The following MYO3B variants were observed in gnomAD, a reference collection of about 807,000 sequenced individuals.
MYO3B encodes the protein myosin IIIB, also known as myosin-IIIb.
A neutral mutation model predicts 174.6 loss-of-function variants in MYO3B; 156 were observed. The ratio of observed to expected loss-of-function variants is 0.89; its 90% CI spans 0.78 to 1.02. The LOEUF (loss-of-function observed/expected upper bound fraction) is 1.02. MYO3B is among the 50% of genes least tolerant of loss of function. The pLI is 0.00. For synonymous variants in MYO3B, 563 were observed against 569.1 expected (o/e 0.99, Z 0.15); for missense variants, 1,632 against 1,639.4 (o/e 1.00, Z 0.08).
intron 7 of MYO3B, among the ~76,000 whole-genome samples, chr2:170,313,482 C>T (rs185649563): frequency 2.6e-5 from 4 of 152,146 alleles, no homozygotes; most frequent in Non-Finnish European, 4.4e-5. Context: ...TCAGGGCCAG[C>T]CTTGGTCTAT....
At chr2:170,607,783 A>T (rs547220594) in intron 32 of MYO3B, among the ~76,000 whole-genome samples, 1 of 152,220 alleles carries the variant, frequency 6.6e-6, no homozygotes, top group Non-Finnish European at 1.5e-5. Context: ...TGGTAAAAAT[A>T]CCTACATTAG....
chr2:170,547,782 G>A (rs1690625661), intron 32 of MYO3B, among the ~76,000 whole-genome samples: 1 of 152,290 alleles, frequency 6.6e-6, no homozygotes, highest in African/African-American at 2.4e-5. Flanking sequence ...AGCAGAGGGA[G>A]ATAGACAATA....
chr2:170,633,263 C>G (rs1404852189), intron 32 of MYO3B, among the ~76,000 whole-genome samples: 1 of 152,176 alleles, frequency 6.6e-6, no homozygotes, highest in African/African-American at 2.4e-5. Flanking sequence ...CATCAAAAAG[C>G]TTATCCACCA....
At chr2:170,248,254 G>A (rs1056818496) in intron 7 of MYO3B, among the ~76,000 whole-genome samples, 6 of 152,152 alleles carry the variant, frequency 3.9e-5, no homozygotes, top group Admixed American at 6.5e-5. Flanking sequence ...CCCACTTGAA[G>A]GGCTGAGGAG....
intron 7 of MYO3B, among the ~76,000 whole-genome samples, chr2:170,280,166 G>C (rs568596835): frequency 6.6e-6 from 1 of 152,158 alleles, no homozygotes; most frequent in African/African-American, 2.4e-5. Context: ...TGACTGGTGA[G>C]AGATGGTATC....
intron 9 of MYO3B, among the ~76,000 whole-genome samples, chr2:170,375,161 G>C (rs1163493011): frequency 1.3e-5 from 2 of 152,060 alleles, no homozygotes; most frequent in South Asian, 2.1e-4. Context: ...GCAAAAAGAC[G>C]ACTTCTTCCC....
chr2:170,301,738 C>A (rs1295896774), intron 7 of MYO3B, among the ~76,000 whole-genome samples: 2 of 152,054 alleles, frequency 1.3e-5, no homozygotes, highest in Non-Finnish European at 2.9e-5. Flanking sequence ...TTGTGTGATA[C>A]ACAGTCATGT....
chr2:170,578,270 A>G (rs1327812081), intron 32 of MYO3B, among the ~76,000 whole-genome samples: 2 of 152,330 alleles, frequency 1.3e-5, no homozygotes, highest in Non-Finnish European at 2.9e-5. Flanking sequence ...GACCTGAGGG[A>G]CATTGTTTGT....
At position 170,217,174 on chromosome 2, in the gene MYO3B, G is replaced by A. The variant is rs184191042; in HGVS notation, c.527-145G>A. 2.3e-3 allele frequency: 1,539 copies of A among 666,994 alleles called. 15 individuals carry two copies. The African/African-American group carries it at 0.025, about 11-fold the overall frequency. 41.3% of individuals were successfully genotyped at this position (666,994 alleles called of 1,614,324 possible). On this transcript the variant is annotated intron_variant, in intron 5 of 34. Coordinates refer to ENST00000408978, the MANE Select transcript of MYO3B (RefSeq NM_138995.5). ...TTACTATGGCTGCTTTTGTACTATT[G>A]CAGCAGAACTGAGTAGTTGTGACAG...
rs1687294026 is a variant in MYO3B at position 170,501,876 on chromosome 2, C to T, written c.3370+11C>T. On this transcript the variant is annotated intron_variant, in intron 28 of 34. Coordinates refer to ENST00000408978, the MANE Select transcript of MYO3B (RefSeq NM_138995.5). ...CTCATAATCAAGCAGGTAATTAAAA[C>T]ATCATTTTCACAGTGTCCACTTGAA... 7 of 1,567,976 alleles carry T rather than the reference C, an allele frequency of 4.5e-6. No homozygotes were observed. Among genetic ancestry groups the T allele is most frequent in the East Asian group, 2.2e-5 (1 of 44,612 alleles).
chr2:170,351,004 G>A (rs1029497240), intron 8 of MYO3B: 5 of 152,062 alleles, frequency 3.3e-5, no homozygotes, highest in Admixed American at 2.6e-4. Flanking sequence ...AAGAAGGAAG[G>A]AAGGGAGAAA....
At chr2:170,607,436 T>C (rs987282600) in intron 32 of MYO3B, among the ~76,000 whole-genome samples, 3 of 152,244 alleles carry the variant, frequency 2.0e-5, no homozygotes, top group African/African-American at 7.2e-5. Context: ...ATCTAGATCA[T>C]CCTGGGGGTT....
chr2:170,404,080 G>A (rs1460417235), intron 19 of MYO3B, among the ~76,000 whole-genome samples, 167 bp from the exon 20 acceptor site: 2 of 152,162 alleles, frequency 1.3e-5, no homozygotes, highest in African/African-American at 4.8e-5. Context: ...TAAGTGCACA[G>A]CTTTAATGGT....
At chr2:170,407,403 G>T (rs2094516839) in intron 21 of MYO3B, among the ~76,000 whole-genome samples, 1 of 152,158 alleles carries the variant, frequency 6.6e-6, no homozygotes, top group Admixed American at 6.5e-5. Context: ...GGAGGTTGCA[G>T]TGAGCCAAGA....
At chr2:170,608,248 T>C (rs1488222311) in intron 32 of MYO3B, among the ~76,000 whole-genome samples, 1 of 152,202 alleles carries the variant, frequency 6.6e-6, no homozygotes, top group Non-Finnish European at 1.5e-5. Flanking sequence ...TTTGGGAGCA[T>C]ATGGGTTCTG....
At chr2:170,288,007 C>T (rs1251704076) in intron 7 of MYO3B, among the ~76,000 whole-genome samples, 1 of 151,980 alleles carries the variant, frequency 6.6e-6, no homozygotes, top group African/African-American at 2.4e-5. Flanking sequence ...GTTCTTGGTA[C>T]CTTTGTCAAA....
intron 16 of MYO3B, among the ~76,000 whole-genome samples, chr2:170,393,452 C>A (rs1220311666): frequency 6.6e-6 from 1 of 152,042 alleles, no homozygotes; most frequent in African/African-American, 2.4e-5. Flanking sequence ...GGGTGACAGA[C>A]AATATTTATA....
intron 25 of MYO3B, among the ~76,000 whole-genome samples, chr2:170,490,711 G>A (rs1269811493): frequency 6.6e-6 from 1 of 151,966 alleles, no homozygotes; most frequent in Non-Finnish European, 1.5e-5. Flanking sequence ...GATTCAGAAA[G>A]TTGTCTCCTA....
At chr2:170,514,786 T>G (rs373765436) in intron 28 of MYO3B, 135 bp from the exon 29 acceptor site, 34 of 638,604 alleles carry the variant, frequency 5.3e-5, no homozygotes, top group Non-Finnish European at 8.7e-5. Context: ...AGTTCATAAG[T>G]GAGATTAGTC....
Sources: gnomAD v4.1 joint callset for allele counts (sites outside exome capture counted in the v4.1 genomes callset) on GRCh38, gnomAD v4.1.1 for gene constraint, MANE v1.5 for transcripts, NCBI Gene and HGNC (gene_info 2026-07-23, HGNC 2026-07-21) for gene names.